The following ARHGAP32 variants were observed in gnomAD, a reference collection of about 807,000 sequenced individuals.
ARHGAP32 encodes Rho GTPase activating protein 32, also known as rho GTPase-activating protein 32.
ARHGAP32 carries 51 observed loss-of-function variants against 186.5 expected under a neutral mutation model. That is an observed-to-expected ratio of 0.27 (90% CI 0.22 to 0.35). The LOEUF (loss-of-function observed/expected upper bound fraction) is 0.35, where lower values mean the gene tolerates loss of function less well. Among genes scored for constraint, ARHGAP32 ranks in the 10% least tolerant of loss-of-function variants. The pLI is 1.00. For synonymous variants in ARHGAP32, 950 were observed against 964.3 expected (o/e 0.99, Z 0.27); for missense variants, 2,186 against 2,623.5 (o/e 0.83, Z 3.64).
At chr11:129,162,643 G>A (rs543575548) in intron 2 of ARHGAP32, among the ~76,000 whole-genome samples, 27 of 152,160 alleles carry the variant, frequency 1.8e-4, no homozygotes, top group Middle Eastern at 6.8e-3. Context: ...ATACAAAAAG[G>A]CTTTAGATAT....
chr11:128,969,964 T>C lies in ARHGAP32; in HGVS notation c.5249A>G (p.Lys1750Arg). The change falls in exon 23 of 23, where the codon AAG becomes AGG. Residue 1750 changes from lysine to arginine, a missense_variant. Lys to Arg is a conservative substitution (Grantham distance 26). Around this residue, in one of 5 missense-constraint regions of ARHGAP32, gnomAD observed 1,502 missense variants for 1,570.0 expected, o/e 0.96. Coordinates refer to ENST00000682385, the MANE Select transcript of ARHGAP32 (RefSeq NM_001378024.1). The surrounding 1 kb of genome is among the most constrained non-coding windows in gnomAD (Gnocchi z 4.8). ...AAGATCCCATGAGGTGTAGGTGTGC[T>C]TCACATCAGCAGCCGGAGGCATGCT... ...VVSMPPAADV[K>R]HTYTSWDLED... The C allele has an allele frequency of 6.2e-7, 1 of 1,614,180 alleles. No individual in the cohort carries two copies. Among genetic ancestry groups the C allele is most frequent in the Non-Finnish European group, 8.5e-7 (1 of 1,180,036 alleles).
intron 11 of ARHGAP32, among the ~76,000 whole-genome samples, chr11:129,004,214 C>A (rs1190244062): frequency 6.7e-6 from 1 of 149,498 alleles, no homozygotes; most frequent in Non-Finnish European, 1.5e-5. Context: ...CTGTTGTGGC[C>A]AGAGATGCCT....
At chr11:129,278,726 G>A (rs1297511696) in intron 1 of ARHGAP32, among the ~76,000 whole-genome samples, 5 of 151,646 alleles carry the variant, frequency 3.3e-5, no homozygotes, top group African/African-American at 1.2e-4. Context: ...GGCGGGACCC[G>A]CGATGTCGCC....
At chr11:129,195,709 C>T (rs913016632), upstream of ARHGAP32, among the ~76,000 whole-genome samples, 4 of 151,872 alleles carry the variant, frequency 2.6e-5, no homozygotes, top group Non-Finnish European at 4.4e-5. Context: ...AGCGAACCTC[C>T]GTCTCAAAAA....
chr11:129,259,582 A>AT (rs979111206), intron 1 of ARHGAP32, among the ~76,000 whole-genome samples: 68 of 151,796 alleles, frequency 4.5e-4, no homozygotes, highest in East Asian at 1.2e-3. Flanking sequence ...AAAAAAAAAA[A>AT]AATAAGCTAA....
chr11:129,092,853 A>C (rs1328020147), intron 6 of ARHGAP32, among the ~76,000 whole-genome samples: 2 of 152,036 alleles, frequency 1.3e-5, no homozygotes, highest in Non-Finnish European at 2.9e-5. Context: ...TTTGTATAGA[A>C]GAAAGCTTTC....
At chr11:129,126,664 A>C (rs139920005) in intron 2 of ARHGAP32, among the ~76,000 whole-genome samples, 3,195 of 152,320 alleles carry the variant, frequency 0.021, 85 homozygotes, top group Admixed American at 0.077. Context: ...AACCACGTAC[A>C]TGATATATCA....
At chr11:129,114,900 A>G (rs1942321801) in intron 5 of ARHGAP32, among the ~76,000 whole-genome samples, 1 of 152,140 alleles carries the variant, frequency 6.6e-6, no homozygotes, top group South Asian at 2.1e-4. Flanking sequence ...AATGTTCAGA[A>G]AAGTTCTTTC....
intron 12 of ARHGAP32, among the ~76,000 whole-genome samples, chr11:128,995,815 G>A (rs1379298876): frequency 3.3e-5 from 5 of 152,226 alleles, no homozygotes; most frequent in Non-Finnish European, 5.9e-5. Context: ...CTCCAGCCTG[G>A]ATGACAGAGT....
intron 1 of ARHGAP32, among the ~76,000 whole-genome samples, chr11:129,174,761 G>A (rs1591672623): frequency 6.6e-6 from 1 of 152,204 alleles, no homozygotes; most frequent in East Asian, 1.9e-4. Flanking sequence ...CTAACAAACA[G>A]AAAGCACATC....
chr11:129,078,684 G>C (rs1941124770), intron 6 of ARHGAP32, among the ~76,000 whole-genome samples: 1 of 151,922 alleles, frequency 6.6e-6, no homozygotes, highest in Non-Finnish European at 1.5e-5. Context: ...GTAGAGACAG[G>C]GTTTCACCAT....
At chr11:129,246,077 TA>T (rs1945093632) in intron 1 of ARHGAP32, among the ~76,000 whole-genome samples, 1 of 152,180 alleles carries the variant, frequency 6.6e-6, no homozygotes, top group South Asian at 2.1e-4. Context: ...ATCAGAAAAC[TA>T]TACTAGTCCC....
At chr11:129,081,370 C>T (rs1303926751) in intron 6 of ARHGAP32, among the ~76,000 whole-genome samples, 2 of 152,056 alleles carry the variant, frequency 1.3e-5, no homozygotes, top group Non-Finnish European at 2.9e-5. Context: ...CAACAAAATA[C>T]TAGCTAACTG....
chr11:129,134,814 C>T (rs573514037), intron 2 of ARHGAP32, among the ~76,000 whole-genome samples: 1 of 152,206 alleles, frequency 6.6e-6, no homozygotes, highest in East Asian at 1.9e-4. Flanking sequence ...GCTGTGGGAG[C>T]CTGTTTTGTC....
intron 1 of ARHGAP32, among the ~76,000 whole-genome samples, chr11:129,278,202 G>C (rs1186384089): frequency 1.3e-5 from 2 of 152,200 alleles, no homozygotes; most frequent in Non-Finnish European, 2.9e-5. Context: ...GAAAATAAAA[G>C]AGATGCTGAC....
chr11:129,270,564 G>C (rs576349057), intron 1 of ARHGAP32, among the ~76,000 whole-genome samples: 1 of 151,538 alleles, frequency 6.6e-6, no homozygotes, highest in Non-Finnish European at 1.5e-5. Flanking sequence ...TATGGACTTC[G>C]GGTGATAATG....
intron 1 of ARHGAP32, among the ~76,000 whole-genome samples, chr11:129,187,516 A>T (rs1944186519): frequency 6.6e-6 from 1 of 152,234 alleles, no homozygotes; most frequent in South Asian, 2.1e-4. Flanking sequence ...AAAAATAATT[A>T]AAAGAGTATA....
intron 6 of ARHGAP32, among the ~76,000 whole-genome samples, chr11:129,093,213 G>A (rs1941630519): frequency 6.6e-6 from 1 of 152,040 alleles, no homozygotes; most frequent in South Asian, 2.1e-4. Flanking sequence ...ATCATTTAAT[G>A]TAGTGATCAA....
At chr11:129,045,132 T>C (rs1438296216) in intron 10 of ARHGAP32, among the ~76,000 whole-genome samples, 1 of 152,212 alleles carries the variant, frequency 6.6e-6, no homozygotes, top group Admixed American at 6.5e-5. Flanking sequence ...ATAAGTGTAA[T>C]ATCACTAACT....
Sources: allele counts gnomAD v4.1 joint callset (sites outside exome capture counted in the v4.1 genomes callset), GRCh38; gene constraint gnomAD v4.1.1; regional missense constraint gnomAD v4.1.1; non-coding constraint Gnocchi (gnomAD v3.1); transcripts MANE v1.5; gene names NCBI Gene and HGNC (gene_info 2026-07-23, HGNC 2026-07-21).